Variants in DCAF17 observed in about 807,000 individuals in gnomAD.
The protein encoded by DCAF17 is DDB1- and CUL4-associated factor 17.
In DCAF17, 48 loss-of-function variants were observed where a neutral mutation model predicts 66.0. The observed-to-expected ratio is 0.73, with a 90% CI of 0.58 to 0.92. The LOEUF (loss-of-function observed/expected upper bound fraction) is 0.92. Among genes scored for constraint, DCAF17 ranks in the 40% least tolerant of loss-of-function variants. DCAF17 has a pLI of 0.00. For synonymous variants in DCAF17, 206 were observed against 214.6 expected, an observed-to-expected ratio of 0.96 and a Z score of 0.35; for missense variants, 562 against 622.8, an observed-to-expected ratio of 0.90 and a Z score of 1.04.
intron 2 of DCAF17, among the ~76,000 whole-genome samples, chr2:171,435,914 C>A (rs1242866521): frequency 1.3e-5 from 2 of 152,128 alleles, no homozygotes; most frequent in Non-Finnish European, 2.9e-5. Context: ...TACATGTAAT[C>A]ACTACCACAG....
intron 8 of DCAF17, among the ~76,000 whole-genome samples, chr2:171,467,420 G>A (rs1371787474): frequency 6.6e-6 from 1 of 152,138 alleles, no homozygotes; most frequent in African/African-American, 2.4e-5. Context: ...GCTGGGCACA[G>A]TGGCTCACCT....
rs1448132360 is a variant in DCAF17, at chr2:171,449,903, A to G, written c.483A>G (p.Gln161=). ...GATACTTGAGCTGGGACACTCCTCAAGAAGTCATTGCAGTTAAGTCAGCTC... is the reference window on the plus strand; with the variant it reads ...GATACTTGAGCTGGGACACTCCTCAGGAAGTCATTGCAGTTAAGTCAGCTC... ...KFRYLSWDTP[Q]EVIAVKSAQN... The change falls in exon 5 of 14, where the codon CAA becomes CAG. Residue 161 remains glutamine (Q), a synonymous_variant. Coordinates refer to ENST00000375255, the MANE Select transcript of DCAF17 (RefSeq NM_025000.4). 3.7e-6 allele frequency: 6 copies of G among 1,613,704 alleles called. No individual in the cohort carries two copies. The highest frequency in any genetic ancestry group is 4.2e-6 in the Non-Finnish European group (5 of 1,179,800).
Position 171,484,170 on chromosome 2 carries a change from C to A in DCAF17, c.*3056C>A, listed in dbSNP as rs975010091. 3 of 445,790 alleles carry A rather than the reference C, an allele frequency of 6.7e-6. No individual in the cohort carries two copies. Among genetic ancestry groups the A allele is most frequent in the African/African-American group, 4.1e-5 (2 of 49,368 alleles). 27.6% of individuals were successfully genotyped at this position (445,790 alleles called of 1,614,324 possible). ...TAGTAGTTTTCATATTATTTGGCTT[C>A]CATATTAATCATTTTTATATTTTCT... On this transcript the variant is annotated 3_prime_UTR_variant, in exon 14 of 14. Transcript: ENST00000375255.
rs1037137509 is a variant in DCAF17, at chr2:171,476,041, A to G, written c.1092-819A>G. Among the ~76,000 whole-genome samples the G allele has an allele frequency of 7.2e-5, 11 of 152,208 alleles. No homozygotes were observed. In the East Asian group the frequency reaches 7.7e-4, roughly 11 times the overall value. On this transcript the variant is annotated intron_variant, in intron 10 of 13. Transcript: ENST00000375255. ...AATATAAGCATTTAAAAATATTGCC[A>G]CTAAAAAAACTAAGTGAATAATTTA...
chr2:171,476,826 T>G, intron 10 of DCAF17, 34 bp from the exon 11 acceptor site: 17 of 1,534,544 alleles, frequency 1.1e-5, no homozygotes, highest in Non-Finnish European at 1.5e-5. Flanking sequence ...TGTTTTGAAG[T>G]CTTAGGTTCT....
rs747209139 is a variant in DCAF17, at chr2:171,484,815, C to G, written c.*3701C>G. ...ATATCAAAGGTTAAATTTACCTGTT[C>G]TAAACTTCATATGAGTGAAATTATA... is the stretch of plus-strand genomic sequence containing the variant. On this transcript the variant is annotated 3_prime_UTR_variant, in exon 14 of 14. Transcript: ENST00000375255. 1 of 453,966 alleles carries G rather than the reference C, an allele frequency of 2.2e-6. No individual in the cohort carries two copies. Among genetic ancestry groups the G allele is most frequent in the South Asian group, 1.6e-5 (1 of 64,470 alleles). 28.1% of individuals were successfully genotyped at this position (453,966 alleles called of 1,614,324 possible). A position where few individuals can be genotyped will look rare whatever the true frequency, so the allele number is the denominator to read the frequency against.
chr2:171,479,572 A>T (rs1574407487), intron 12 of DCAF17: 1 of 177,878 alleles, frequency 5.6e-6, no homozygotes, highest in Admixed American at 5.5e-5. Flanking sequence ...TAAATAGTGT[A>T]TGATGGGTTA....
Position 171,480,195 on chromosome 2 carries a change from T to A in DCAF17, c.1422+2T>A. 2 of 1,613,186 alleles carry A rather than the reference T, an allele frequency of 1.2e-6. No homozygotes were observed. The highest frequency in any genetic ancestry group is 1.7e-6 in the Non-Finnish European group (2 of 1,179,590). On this transcript the variant is annotated splice_donor_variant, in intron 13 of 13. Coordinates refer to ENST00000375255, the MANE Select transcript of DCAF17 (RefSeq NM_025000.4). LOFTEE classifies it high-confidence loss of function. ...CCACTAGTGGAGTCATGGGATGTGG[T>A]GAGTAGAGTCCGTGGGATACAAAGT...
rs115260785 is a variant in DCAF17, at chr2:171,467,200, T to G, written c.839-1688T>G. Among the ~76,000 whole-genome samples the G allele has an allele frequency of 1.5e-3, 227 of 150,900 alleles. 4 individuals are homozygous for G. In the East Asian group the frequency reaches 0.016, roughly 11 times the overall value. On this transcript the variant is annotated intron_variant, in intron 8 of 13. Coordinates refer to ENST00000375255, the MANE Select transcript of DCAF17 (RefSeq NM_025000.4). ...TTTTTTTCAATAAATACAGGAAAAT[T>G]TTTTGGAGATTTGCCACAATTAAAA...
At position 171,479,780 on chromosome 2, in the gene DCAF17, A is replaced by G. The variant is rs372384100; in HGVS notation, c.1267-258A>G. The G allele has an allele frequency of 1.7e-4, 70 of 404,844 alleles. 2 individuals are homozygous for G. Among genetic ancestry groups the G allele is most frequent in the African/African-American group, 8.2e-4 (40 of 48,858 alleles). The allele number at this position is 404,844 out of a possible 1,614,324, so 25.1% of individuals were successfully genotyped here. A position where few individuals can be genotyped will look rare whatever the true frequency, so the allele number is the denominator to read the frequency against. ...TTTGCTGTCACTGTGGAGAATTTCA[A>G]TTATACTTTGAGATCTACATAGACT... On this transcript the variant is annotated intron_variant, in intron 12 of 13. Transcript: ENST00000375255.
chr2:171,480,482 GA>G (rs1394199552), intron 13 of DCAF17, among the ~76,000 whole-genome samples: 1 of 152,042 alleles, frequency 6.6e-6, no homozygotes, highest in Non-Finnish European at 1.5e-5. Context: ...TGTAAATTTG[GA>G]AAAATTTTTT....
chr2:171,479,962 T>A (rs187702299), intron 12 of DCAF17, 76 bp from the exon 13 acceptor site: 1 of 1,522,272 alleles, frequency 6.6e-7, no homozygotes, highest in East Asian at 2.3e-5. Context: ...ATACTTAAAC[T>A]ATAAATACAG....
Position 171,434,228 on chromosome 2 carries a change from G to A in DCAF17, c.-350G>A. The A allele has an allele frequency of 4.5e-6, 2 of 445,342 alleles. No individual in the cohort carries two copies. The highest frequency in any genetic ancestry group is 9.0e-6 in the Non-Finnish European group (2 of 221,050). The allele number at this position is 445,342 out of a possible 1,614,324, so 27.6% of individuals were successfully genotyped here. A position where few individuals can be genotyped will look rare whatever the true frequency, so the allele number is the denominator to read the frequency against. On this transcript the variant is annotated 5_prime_UTR_variant, in exon 1 of 14. Transcript: ENST00000375255. ...CTGACGGGAATTGTAGTTCCTGGGAGAAGCCGGGCTGCCTCACGAGGCACT... is the reference window on the plus strand; with the variant it reads ...CTGACGGGAATTGTAGTTCCTGGGAAAAGCCGGGCTGCCTCACGAGGCACT...
intron 10 of DCAF17, among the ~76,000 whole-genome samples, chr2:171,475,290 C>T (rs1424036966): frequency 6.6e-6 from 1 of 152,138 alleles, no homozygotes; most frequent in Non-Finnish European, 1.5e-5. Context: ...CCCACTGTGT[C>T]GTCTTCCTTT....
At chr2:171,444,818 AT>A (rs1248642205) in intron 3 of DCAF17, among the ~76,000 whole-genome samples, 9 of 151,548 alleles carry the variant, frequency 5.9e-5, no homozygotes, top group Non-Finnish European at 1.0e-4. Context: ...TTTATTGTTA[AT>A]TTTTTTTTCA....
At chr2:171,469,139 T>A in intron 9 of DCAF17, 109 bp downstream of exon 9, 2 of 1,246,122 alleles carry the variant, frequency 1.6e-6, no homozygotes, top group Non-Finnish European at 2.3e-6. Flanking sequence ...GCATTTGTAT[T>A]AACAATTTGC....
At position 171,448,726 on chromosome 2, in the gene DCAF17, G is replaced by C; in HGVS notation, c.367G>C (p.Ala123Pro). ...NSSDYKSSLI[A>P]LTAHNWLLRI... ...ATCAGATTATAAGTCCTCACTCATA[G>C]CACTGACTGCTCATAATTGGCTACT... The change falls in exon 4 of 14, where the codon GCA (alanine) becomes CCA (proline). Residue 123 changes from alanine to proline, a missense_variant. By Grantham distance (27) the Ala-to-Pro change is conservative. Transcript: ENST00000375255. 1.9e-6 allele frequency: 3 copies of C among 1,612,548 alleles called. No homozygotes were observed. The highest frequency in any genetic ancestry group is 2.5e-6 in the Non-Finnish European group (3 of 1,179,330).
Position 171,483,506 on chromosome 2 carries a change from A to G in DCAF17, c.*2392A>G, listed in dbSNP as rs1661429161. 1 of 454,028 alleles carries G rather than the reference A, an allele frequency of 2.2e-6. No individual in the cohort carries two copies. 28.1% of individuals were successfully genotyped at this position (454,028 alleles called of 1,614,324 possible). ...TTATTGTTCCTCAATTTTTTACAAT[A>G]TTTATCACAACTCTGGGAGAAAACA... On this transcript the variant is annotated 3_prime_UTR_variant, in exon 14 of 14. Coordinates refer to ENST00000375255, the MANE Select transcript of DCAF17 (RefSeq NM_025000.4).
intron 3 of DCAF17, among the ~76,000 whole-genome samples, chr2:171,444,557 T>C (rs553207698): frequency 6.6e-6 from 1 of 152,224 alleles, no homozygotes; most frequent in Non-Finnish European, 1.5e-5. Flanking sequence ...ATTATGCATA[T>C]GCAAATATCC....
Sources: gnomAD v4.1 joint callset for allele counts (sites outside exome capture counted in the v4.1 genomes callset) on GRCh38, gnomAD v4.1.1 for gene constraint, MANE v1.5 for transcripts, NCBI Gene and HGNC (gene_info 2026-07-23, HGNC 2026-07-21) for gene names.